Variants in PLPBP observed in about 807,000 individuals in gnomAD.
The protein encoded by PLPBP is pyridoxal phosphate binding protein.
A neutral mutation model predicts 31.2 loss-of-function variants in PLPBP; 21 were observed. The observed-to-expected ratio is 0.67, with a 90% CI of 0.48 to 0.97. The LOEUF is 0.97. Ranked by LOEUF, PLPBP falls within the 50% of genes least tolerant of loss-of-function variation. The pLI is 0.00. For synonymous variants in PLPBP, 124 were observed against 135.6 expected, an observed-to-expected ratio of 0.91 and a Z score of 0.59; for missense variants, 308 against 354.4, an observed-to-expected ratio of 0.87 and a Z score of 1.05.
At chr8:37,767,638 T>C (rs2129782140) in intron 4 of PLPBP, among the ~76,000 whole-genome samples, 1 of 152,176 alleles carries the variant, frequency 6.6e-6, no homozygotes, top group Non-Finnish European at 1.5e-5. Flanking sequence ...AATAAGTTGC[T>C]ATGAATATTT....
rs1803812572 is a variant in PLPBP, at chr8:37,772,894, G to C, written c.454+5G>C. 6.2e-7 allele frequency: 1 copy of C among 1,614,138 alleles called. No individual in the cohort carries two copies. Among genetic ancestry groups the C allele is most frequent in the Non-Finnish European group, 8.5e-7 (1 of 1,179,974 alleles). On this transcript the variant is annotated splice_donor_5th_base_variant and intron_variant, in intron 5 of 7. Coordinates refer to ENST00000328195, the MANE Select transcript of PLPBP (RefSeq NM_007198.4). ...TTAACACCAGCGGAGAAGAGAGTAA[G>C]TAACCAGACCTGAATTGTAGATTTT...
At chr8:37,772,134 G>A (rs1404923048) in intron 4 of PLPBP, among the ~76,000 whole-genome samples, 1 of 136,110 alleles carries the variant, frequency 7.3e-6, no homozygotes, top group Admixed American at 6.8e-5. Context: ...ATCCATTAAC[G>A]AGGAATAGTT....
intron 7 of PLPBP, among the ~76,000 whole-genome samples, chr8:37,776,602 TTAATTA>T (rs1052932535): frequency 2.0e-5 from 3 of 151,058 alleles, no homozygotes; most frequent in African/African-American, 7.3e-5. Context: ...AAATAAGAAA[TTAATTA>T]TAATTATAAT....
At position 37,762,827 on chromosome 8, in the gene PLPBP, G is replaced by A; in HGVS notation, c.99+69G>A. 3.3e-6 allele frequency: 5 copies of A among 1,506,150 alleles called. No homozygotes were observed. The South Asian group carries it at 5.0e-5, about 15-fold the overall frequency. The allele number at this position is 1,506,150 out of a possible 1,614,324, so 93.3% of individuals were successfully genotyped here. A position where few individuals can be genotyped will look rare whatever the true frequency, so the allele number is the denominator to read the frequency against. ...GAAGAGGGACACCTGCGTGGGAATG[G>A]GTCGTCACGGTGACGCAGAGGGGTC... On this transcript the variant is annotated intron_variant, in intron 1 of 7. Coordinates refer to ENST00000328195, the MANE Select transcript of PLPBP (RefSeq NM_007198.4).
chr8:37,767,087 TAAAATTAAGAAAG>T (rs2129780331), intron 4 of PLPBP, among the ~76,000 whole-genome samples: 1 of 91,464 alleles, frequency 1.1e-5, no homozygotes, highest in African/African-American at 4.1e-5. Flanking sequence ...CATAGTAAAA[TAAAATTAAGAAAG>T]ACATGGAGAT....
Position 37,778,069 on chromosome 8 carries a change from G to A in PLPBP, c.793G>A (p.Val265Met), listed in dbSNP as rs1442084545. The A allele has an allele frequency of 5.6e-6, 9 of 1,613,512 alleles. No homozygotes were observed. Among genetic ancestry groups the A allele is most frequent in the Middle Eastern group, 1.6e-4 (1 of 6,082 alleles). Residue 265 changes from valine to methionine, a missense_variant, in exon 8 of 8, where the codon GTG becomes ATG. Physicochemically the swap from Val to Met is conservative, Grantham distance 21 (BLOSUM62 1). This residue lies in a region of PLPBP where 188 missense variants were observed against 259.3 expected (regional missense o/e 0.73). Coordinates refer to ENST00000328195, the MANE Select transcript of PLPBP (RefSeq NM_007198.4). ...CACCCCGGACAAGTGCGCAGCAGAC[G>A]TGAAGGCCCCGCTGGAGGTGGCACA... ...KPTPDKCAAD[V>M]KAPLEVAQEH is the part of the protein sequence containing the mutation.
At chr8:37,767,413 T>G (rs1803660595) in intron 4 of PLPBP, among the ~76,000 whole-genome samples, 1 of 152,212 alleles carries the variant, frequency 6.6e-6, no homozygotes, top group Admixed American at 6.5e-5. Flanking sequence ...GAGTTTACAT[T>G]TTTTAGAGTT....
At chr8:37,767,156 A>G (rs142875550) in intron 4 of PLPBP, among the ~76,000 whole-genome samples, 1 of 152,142 alleles carries the variant, frequency 6.6e-6, no homozygotes, top group Admixed American at 6.6e-5. Context: ...AAATTTAAAT[A>G]ACCTGTATAT....
chr8:37,762,676 G>C lies in PLPBP; in HGVS notation c.17G>C (p.Ser6Thr), dbSNP rs535580948. The change falls in exon 1 of 8, where the codon AGC becomes ACC. Residue 6 changes from serine (S) to threonine (T), a missense_variant. Ser to Thr is a moderately conservative substitution (Grantham distance 58, BLOSUM62 1). Coordinates refer to ENST00000328195, the MANE Select transcript of PLPBP (RefSeq NM_007198.4). ...CCCCGGGGGATGTGGAGAGCTGGCAGCATGTCGGCCGAGCTGGGAGTCGGG... is the reference window on the plus strand; with the variant it reads ...CCCCGGGGGATGTGGAGAGCTGGCACCATGTCGGCCGAGCTGGGAGTCGGG... MWRAG[S>T]MSAELGVGCA... The C allele has an allele frequency of 1.3e-6, 2 of 1,586,794 alleles. No individual in the cohort carries two copies. Among genetic ancestry groups the C allele is most frequent in the South Asian group, 2.3e-5 (2 of 87,532 alleles).
rs182752090 is a variant in PLPBP at position 37,779,096 on chromosome 8, C to A, written c.*992C>A. On this transcript the variant is annotated 3_prime_UTR_variant, in exon 8 of 8. Coordinates refer to ENST00000328195, the MANE Select transcript of PLPBP (RefSeq NM_007198.4). ...AATTTGGTAGTGAGAGCTTGTGTCA[C>A]TGCCACTCTGTTTTATCCCTGAAAT... 145 of 152,222 alleles carry A rather than the reference C, an allele frequency of 9.5e-4. No homozygotes were observed. Among genetic ancestry groups the A allele is most frequent in the African/African-American group, 3.4e-3 (140 of 41,542 alleles). The allele number at this position is 152,222 out of a possible 1,614,324, so 9.4% of individuals were successfully genotyped here. A position where few individuals can be genotyped will look rare whatever the true frequency, so the allele number is the denominator to read the frequency against.
Position 37,775,412 on chromosome 8 carries a change from G to A in PLPBP, c.528G>A (p.Glu176=), listed in dbSNP as rs756193629. ...EHINAKCPNL[E]FVGLMTIGSF... ...TAAACGCCAAGTGTCCTAACCTGGA[G>A]TTTGTGGGGCTGATGACCATAGGAA... is the stretch of plus-strand genomic sequence containing the variant. Residue 176 remains glutamate, a synonymous_variant, in exon 6 of 8, where the codon GAG becomes GAA. Transcript: ENST00000328195. The A allele has an allele frequency of 6.2e-7, 1 of 1,614,216 alleles. No individual in the cohort carries two copies. Among genetic ancestry groups the A allele is most frequent in the Non-Finnish European group, 8.5e-7 (1 of 1,180,046 alleles).
rs192701530 is a variant in PLPBP at position 37,774,103 on chromosome 8, C to T, written c.454+1214C>T. 2.6e-5 allele frequency among the ~76,000 whole-genome samples: 4 copies of T among 151,836 alleles called. No individual in the cohort carries two copies. In the South Asian group the frequency reaches 6.3e-4, roughly 24 times the overall value. ...GTGTGCACCCATAGCCCCAGCTGCTCGGGATGCTGAGGCAGGAGGATCCCT... is the reference window on the plus strand; with the variant it reads ...GTGTGCACCCATAGCCCCAGCTGCTTGGGATGCTGAGGCAGGAGGATCCCT... On this transcript the variant is annotated intron_variant, in intron 5 of 7. Transcript: ENST00000328195.
At chr8:37,777,626 T>G (rs951344836) in intron 7 of PLPBP, among the ~76,000 whole-genome samples, 24 of 152,084 alleles carry the variant, frequency 1.6e-4, no homozygotes, top group African/African-American at 5.6e-4. Context: ...CAGGCTGGAG[T>G]GCAATGGCGC....
At chr8:37,762,882 T>G in intron 1 of PLPBP, 124 bp downstream of exon 1, 1 of 1,240,826 alleles carries the variant, frequency 8.1e-7, no homozygotes, top group Non-Finnish European at 1.1e-6. Flanking sequence ...GTCGGCCGCC[T>G]AGGGCCACCG....
At chr8:37,766,588 A>G (rs747839992) in intron 4 of PLPBP, 79 of 1,154,058 alleles carry the variant, frequency 6.8e-5, no homozygotes, top group Non-Finnish European at 8.4e-5. Flanking sequence ...CCTCATGTTT[A>G]TTATTATTTG....
chr8:37,775,843 G>T, intron 6 of PLPBP, 75 bp from the exon 7 acceptor site: 1 of 1,367,422 alleles, frequency 7.3e-7, no homozygotes. Flanking sequence ...CGTTGTCAGA[G>T]AAGTTCAGAT....
intron 7 of PLPBP, among the ~76,000 whole-genome samples, chr8:37,777,720 T>C (rs538698076): frequency 6.6e-6 from 1 of 152,284 alleles, no homozygotes; most frequent in East Asian, 1.9e-4. Flanking sequence ...ATTACAGGCA[T>C]GTGCCACTAT....
At chr8:37,771,157 T>G (rs1402773230) in intron 4 of PLPBP, among the ~76,000 whole-genome samples, 1 of 151,830 alleles carries the variant, frequency 6.6e-6, no homozygotes, top group African/African-American at 2.4e-5. Context: ...TTTTTTAGTC[T>G]TTCTAGTCTT....
chr8:37,763,871 A>G (rs564344041), intron 1 of PLPBP, among the ~76,000 whole-genome samples: 1 of 152,260 alleles, frequency 6.6e-6, no homozygotes, highest in African/African-American at 2.4e-5. Flanking sequence ...ACTTCAGGGG[A>G]TGATGGATAC....
Sources: gnomAD v4.1 joint callset for allele counts (sites outside exome capture counted in the v4.1 genomes callset) on GRCh38, gnomAD v4.1.1 for gene constraint, gnomAD v4.1.1 regional missense constraint, MANE v1.5 for transcripts, NCBI Gene and HGNC (gene_info 2026-07-23, HGNC 2026-07-21) for gene names.